The following SSH1 variants were observed in gnomAD, a reference collection of about 807,000 sequenced individuals.
The protein encoded by SSH1 is protein phosphatase Slingshot homolog 1.
A neutral mutation model predicts 79.7 loss-of-function variants in SSH1; 43 were observed. That is an observed-to-expected ratio of 0.54 (90% confidence interval 0.42 to 0.70). The LOEUF (loss-of-function observed/expected upper bound fraction) is 0.70. Ranked by LOEUF, SSH1 falls within the 30% of genes least tolerant of loss-of-function variation. SSH1 has a pLI of 0.00. For missense variants in SSH1, 1,206 were observed against 1,358.8 expected (o/e 0.89, Z 1.77); for synonymous variants, 599 against 538.3 (o/e 1.11, Z -1.56).
intron 2 of SSH1, among the ~76,000 whole-genome samples, chr12:108,837,763 G>C (rs1328500521): frequency 1.3e-5 from 2 of 151,810 alleles, no homozygotes. Context: ...AGCATTACAA[G>C]TTTTCGAGTT....
At chr12:108,856,025 C>A (rs1480228370) in intron 1 of SSH1, among the ~76,000 whole-genome samples, 1 of 152,214 alleles carries the variant, frequency 6.6e-6, no homozygotes, top group African/African-American at 2.4e-5. Context: ...AAACCTCCCC[C>A]GTGTTATCAG....
rs1277033825 is a variant in SSH1, at chr12:108,788,443, G to C, written c.2695C>G (p.Pro899Ala). 3 of 1,576,760 alleles carry C rather than the reference G, an allele frequency of 1.9e-6. No homozygotes were observed. The highest frequency in any genetic ancestry group is 1.8e-5 in the Admixed American group (1 of 54,534). Residue 899 changes from proline (P) to alanine (A), a missense_variant, in exon 15 of 15, where the codon CCT becomes GCT. Pro to Ala is a conservative substitution (Grantham distance 27, BLOSUM62 -1). Transcript: ENST00000326495. Reference sequence around the variant, plus strand: ...TGGTCCAGGCGGTAGAAGAAAGGAGGGGGGCTCTTCAGTGAGCCTCCTTCC... The same window carrying C: ...TGGTCCAGGCGGTAGAAGAAAGGAGCGGGGCTCTTCAGTGAGCCTCCTTCC... ...SLEGGSLKSPPPFFYRLDHTS... is the reference protein window; with the variant it reads ...SLEGGSLKSPAPFFYRLDHTS...
rs775661783 is a variant in SSH1, at chr12:108,792,628, G to C, written c.1551C>G (p.Pro517=). 7 of 1,612,140 alleles carry C rather than the reference G, an allele frequency of 4.3e-6. No homozygotes were observed. Among genetic ancestry groups the C allele is most frequent in the Non-Finnish European group, 5.9e-6 (7 of 1,179,520 alleles). Residue 517 remains proline (P), a synonymous_variant, in exon 14 of 15, where the codon CCC becomes CCG. Coordinates refer to ENST00000326495, the MANE Select transcript of SSH1 (RefSeq NM_018984.4). ...LPCCFRRLSD[P]LLPSPEDETG... Reference sequence around the variant, plus strand: ...TTTCATCCTCAGGGGAAGGCAGAAGGGGGTCTGAGAGTCGCCGGAAACAGC... The same window carrying C: ...TTTCATCCTCAGGGGAAGGCAGAAGCGGGTCTGAGAGTCGCCGGAAACAGC...
rs532868199 is a variant in SSH1 at position 108,809,432 on chromosome 12, G to A, written c.536+261C>T. Among the ~76,000 whole-genome samples, 121 of 150,838 alleles carry A rather than the reference G, an allele frequency of 8.0e-4. 1 individual carries two copies. Among genetic ancestry groups the A allele is most frequent in the Non-Finnish European group, 1.6e-3 (107 of 67,678 alleles). On this transcript the variant is annotated intron_variant, in intron 7 of 14. Coordinates refer to ENST00000326495, the MANE Select transcript of SSH1 (RefSeq NM_018984.4). Reference sequence around the variant, plus strand: ...TGATCACACCACTGCACCCCAGCCTGGGTGACGGAGCAAGACCCTGTCTCA... The same window carrying A: ...TGATCACACCACTGCACCCCAGCCTAGGTGACGGAGCAAGACCCTGTCTCA...
intron 5 of SSH1, 113 bp downstream of exon 5, chr12:108,816,925 C>T: frequency 6.5e-7 from 1 of 1,532,476 alleles, no homozygotes; most frequent in Non-Finnish European, 9.0e-7. Context: ...CCAGGCTCTC[C>T]ATCAGGACGC....
intron 11 of SSH1, 148 bp downstream of exon 11, chr12:108,802,174 C>T (rs1403525672): frequency 1.4e-6 from 1 of 698,656 alleles, no homozygotes; most frequent in Non-Finnish European, 2.6e-6. Context: ...ATCTGTTTAG[C>T]TATGCACATC....
chr12:108,841,194 T>C (rs951913643), intron 2 of SSH1, among the ~76,000 whole-genome samples: 3 of 152,198 alleles, frequency 2.0e-5, no homozygotes, highest in Non-Finnish European at 4.4e-5. Context: ...GTCTCACAGC[T>C]TTGCCCCATT....
At chr12:108,852,990 C>T (rs933515764) in intron 1 of SSH1, 2 of 985,278 alleles carry the variant, frequency 2.0e-6, no homozygotes, top group African/African-American at 1.7e-5. Context: ...CAGCCCTCAA[C>T]TTTCCGAGGT....
At chr12:108,812,744 C>T (rs570912641) in intron 5 of SSH1, among the ~76,000 whole-genome samples, 3 of 152,366 alleles carry the variant, frequency 2.0e-5, no homozygotes, top group South Asian at 4.1e-4. Flanking sequence ...ACTGCAACAA[C>T]TGCACGCATC....
intron 2 of SSH1, chr12:108,827,494 C>T: frequency 7.7e-7 from 1 of 1,293,120 alleles, no homozygotes; most frequent in African/African-American, 1.5e-5. Context: ...GAGTCCTACC[C>T]GAAAAGCAAA....
In SSH1 at chr12:108,803,098, C is replaced by T. The variant is rs189232564; in HGVS notation, c.955-730G>A. Among the ~76,000 whole-genome samples the T allele has an allele frequency of 4.8e-3, 723 of 152,014 alleles. 4 individuals are homozygous for T. Among genetic ancestry groups the T allele is most frequent in the Admixed American group, 1.0e-2 (152 of 15,270 alleles). ...GGATACAGGACTATATAAACATAAACAGTATGATCCTTTCTTTCTTTGTGC... is the reference window on the plus strand; with the variant it reads ...GGATACAGGACTATATAAACATAAATAGTATGATCCTTTCTTTCTTTGTGC... On this transcript the variant is annotated intron_variant, in intron 10 of 14. Transcript: ENST00000326495.
At chr12:108,848,985 T>C (rs912619480) in intron 2 of SSH1, among the ~76,000 whole-genome samples, 1 of 152,130 alleles carries the variant, frequency 6.6e-6, no homozygotes, top group Non-Finnish European at 1.5e-5. Flanking sequence ...GACTTAGGCA[T>C]GCTCCCTCAC....
At chr12:108,824,507 T>C (rs752237378) in intron 2 of SSH1, among the ~76,000 whole-genome samples, 2 of 152,048 alleles carry the variant, frequency 1.3e-5, no homozygotes, top group African/African-American at 2.4e-5. Context: ...GGATACTGAC[T>C]TGTGATTTAA....
chr12:108,832,891 T>C (rs1245452583), intron 2 of SSH1, among the ~76,000 whole-genome samples: 6 of 152,174 alleles, frequency 3.9e-5, no homozygotes, highest in African/African-American at 1.2e-4. Context: ...ATGCTGAGCA[T>C]AGAAAAATTC....
chr12:108,835,798 G>A (rs188143149), intron 2 of SSH1, among the ~76,000 whole-genome samples: 480 of 148,124 alleles, frequency 3.2e-3, no homozygotes, highest in African/African-American at 0.012. Flanking sequence ...CACAGGCAAG[G>A]AATGAAATAT....
rs1270488482 is a variant in SSH1 at position 108,784,706 on chromosome 12, G to T, written c.*3282C>A. ...CCTTATACTTAGCAAGACTTAAAGAGAAGACTTTCCTGTATCAATGCAAGG... is the reference window on the plus strand; with the variant it reads ...CCTTATACTTAGCAAGACTTAAAGATAAGACTTTCCTGTATCAATGCAAGG... On this transcript the variant is annotated 3_prime_UTR_variant, in exon 15 of 15. Coordinates refer to ENST00000326495, the MANE Select transcript of SSH1 (RefSeq NM_018984.4). 6.6e-6 allele frequency: 1 copy of T among 152,148 alleles called. No individual in the cohort carries two copies. Among genetic ancestry groups the T allele is most frequent in the Non-Finnish European group, 1.5e-5 (1 of 68,034 alleles). 9.4% of individuals were successfully genotyped at this position (152,148 alleles called of 1,614,324 possible).
intron 2 of SSH1, among the ~76,000 whole-genome samples, chr12:108,836,588 A>G (rs2038637181): frequency 6.6e-6 from 1 of 152,244 alleles, no homozygotes; most frequent in East Asian, 1.9e-4. Context: ...CAGATTATAA[A>G]CCACTGAATA....
At position 108,857,309 on chromosome 12, in the gene SSH1, G is replaced by A. The variant is rs1391116389; in HGVS notation, c.69+119C>T. ...TCCGGCTGCCCGGCTCTGTTCCTAC[G>A]GCGGGGCCCCGAGGAGCCCGCGCAG... On this transcript the variant is annotated intron_variant, in intron 1 of 14. Coordinates refer to ENST00000326495, the MANE Select transcript of SSH1 (RefSeq NM_018984.4). The surrounding 1 kb of genome is among the most constrained non-coding windows in gnomAD (Gnocchi z 4.7). The A allele has an allele frequency of 2.1e-6, 1 of 468,296 alleles. No homozygotes were observed. The highest frequency in any genetic ancestry group is 2.8e-6 in the Non-Finnish European group (1 of 357,406). 29.0% of individuals were successfully genotyped at this position (468,296 alleles called of 1,614,324 possible). A position where few individuals can be genotyped will look rare whatever the true frequency, so the allele number is the denominator to read the frequency against.
At chr12:108,821,810 TTGCATGGTGTAGAATTCTAACC>T (rs1374851307) in intron 3 of SSH1, among the ~76,000 whole-genome samples, 3 of 152,232 alleles carry the variant, frequency 2.0e-5, no homozygotes, top group Non-Finnish European at 4.4e-5. Flanking sequence ...TTGCTATAAA[TTGCATGGTGTAGAATTCTAACC>T]TGAGCACTCA....
Sources: gnomAD v4.1 joint callset for allele counts (sites outside exome capture counted in the v4.1 genomes callset) on GRCh38, gnomAD v4.1.1 for gene constraint, Gnocchi (gnomAD v3.1) non-coding constraint, MANE v1.5 for transcripts, NCBI Gene and HGNC (gene_info 2026-07-23, HGNC 2026-07-21) for gene names.